Variants in ZBTB20 observed in about 807,000 individuals in gnomAD.
The protein encoded by ZBTB20 is zinc finger and BTB domain containing 20.
Under a neutral mutation model 56.9 loss-of-function variants are expected in ZBTB20, and 9 were observed. That is an observed-to-expected ratio of 0.16 (90% confidence interval 0.10 to 0.28). The LOEUF is 0.28. Ranked by LOEUF, ZBTB20 falls within the 10% of genes least tolerant of loss-of-function variation. The probability of loss-of-function intolerance (pLI) is 1.00; values close to 1 mark genes in which losing one functional copy is unlikely to be tolerated. For synonymous variants in ZBTB20, 417 were observed against 420.7 expected (o/e 0.99, Z 0.11); for missense variants, 655 against 1,003.0 (o/e 0.65, Z 4.69).
chr3:114,488,518 T>G (rs1022584919), intron 7 of ZBTB20, among the ~76,000 whole-genome samples: 1 of 152,242 alleles, frequency 6.6e-6, no homozygotes, highest in African/African-American at 2.4e-5. Flanking sequence ...GTTTTATGCC[T>G]GGAAAATGCA....
At chr3:114,691,264 A>T (rs917354721) in intron 6 of ZBTB20, among the ~76,000 whole-genome samples, 2 of 152,164 alleles carry the variant, frequency 1.3e-5, no homozygotes, top group Non-Finnish European at 2.9e-5. Flanking sequence ...CGTGTAAAAA[A>T]TATCCTGATG....
At chr3:114,572,044 A>G (rs748398415) in intron 6 of ZBTB20, among the ~76,000 whole-genome samples, 7 of 151,592 alleles carry the variant, frequency 4.6e-5, no homozygotes, top group Non-Finnish European at 8.9e-5. Context: ...TTTGACATGC[A>G]GTATCTCATC....
intron 4 of ZBTB20, among the ~76,000 whole-genome samples, chr3:114,859,324 CTTCCT>C (rs1241043057): frequency 6.8e-6 from 1 of 146,208 alleles, no homozygotes; most frequent in Non-Finnish European, 1.5e-5. Flanking sequence ...TCTTGCCTTC[CTTCCT>C]TTCTTCTTTC....
At chr3:114,813,806 CTAATA>C (rs753897910) in intron 4 of ZBTB20, among the ~76,000 whole-genome samples, 4 of 152,022 alleles carry the variant, frequency 2.6e-5, no homozygotes, top group Admixed American at 6.5e-5. Flanking sequence ...TCTAGATAAT[CTAATA>C]TAATATAATC....
At chr3:114,456,842 A>C (rs963047465) in intron 7 of ZBTB20, among the ~76,000 whole-genome samples, 1 of 152,244 alleles carries the variant, frequency 6.6e-6, no homozygotes, top group Admixed American at 6.5e-5. Context: ...ACCGAAAACT[A>C]TCTCTCAGTC....
chr3:114,481,844 G>A (rs1241651111), intron 7 of ZBTB20, among the ~76,000 whole-genome samples: 1 of 152,204 alleles, frequency 6.6e-6, no homozygotes, highest in Non-Finnish European at 1.5e-5. Context: ...TGTTCAGAGG[G>A]AGTAAACCAC....
At position 114,541,911 on chromosome 3, in the gene ZBTB20, TAA is replaced by T. The variant is rs1009073384; in HGVS notation, c.-294-41522_-294-41521del. Among the ~76,000 whole-genome samples the T allele has an allele frequency of 8.1e-4, 124 of 152,282 alleles. 1 individual carries two copies. Among genetic ancestry groups the T allele is most frequent in the African/African-American group, 2.9e-3 (121 of 41,574 alleles). ...GGATTATTAGGAAGAACGAGTGAAGTAATATATGTAACACATGCTCTTTAAAA... is the reference window on the plus strand; with the variant it reads ...GGATTATTAGGAAGAACGAGTGAAGTTATATGTAACACATGCTCTTTAAAA... On this transcript the variant is annotated intron_variant, in intron 6 of 11. Transcript: ENST00000675478.
intron 6 of ZBTB20, among the ~76,000 whole-genome samples, chr3:114,566,760 G>A (rs1357215164): frequency 6.6e-6 from 1 of 152,160 alleles, no homozygotes; most frequent in Non-Finnish European, 1.5e-5. Context: ...ACAGTTGACA[G>A]CCTTTGAGAT....
At chr3:114,377,259 G>T (rs952299284) in intron 10 of ZBTB20, among the ~76,000 whole-genome samples, 1 of 152,126 alleles carries the variant, frequency 6.6e-6, no homozygotes, top group Non-Finnish European at 1.5e-5. Flanking sequence ...GGTAAGCTAG[G>T]GGGTAATGGG....
chr3:114,469,952 G>A (rs1457592125), intron 7 of ZBTB20, among the ~76,000 whole-genome samples: 2 of 152,028 alleles, frequency 1.3e-5, no homozygotes, highest in East Asian at 1.9e-4. Flanking sequence ...CATATGGAAC[G>A]AAGGTCAAAA....
chr3:114,735,475 T>A (rs565191648), intron 5 of ZBTB20, among the ~76,000 whole-genome samples: 55 of 152,234 alleles, frequency 3.6e-4, no homozygotes, highest in South Asian at 1.0e-3. Context: ...ATTTTATATA[T>A]GGGCCACTAT....
At chr3:114,574,947 A>G (rs1368990496) in intron 6 of ZBTB20, among the ~76,000 whole-genome samples, 3 of 152,186 alleles carry the variant, frequency 2.0e-5, no homozygotes, top group African/African-American at 7.2e-5. Flanking sequence ...ATAAGTGGGT[A>G]TTTCTATATA....
chr3:114,620,300 CTTTT>C (rs922730144), intron 6 of ZBTB20, among the ~76,000 whole-genome samples: 1 of 151,062 alleles, frequency 6.6e-6, no homozygotes, highest in Non-Finnish European at 1.5e-5. Context: ...CTTTTCTTTT[CTTTT>C]TTTTTGAGAT....
chr3:114,793,451 A>C (rs2071117178), intron 5 of ZBTB20, among the ~76,000 whole-genome samples: 1 of 152,146 alleles, frequency 6.6e-6, no homozygotes, highest in South Asian at 2.1e-4. Context: ...AGACACAGTA[A>C]ATCAAGATGA....
chr3:114,468,818 G>A (rs1046652784), intron 7 of ZBTB20, among the ~76,000 whole-genome samples: 1 of 151,956 alleles, frequency 6.6e-6, no homozygotes. Context: ...AAAGTCAAAT[G>A]CCTCAAGGAG....
chr3:114,537,652 T>A (rs967030573), intron 6 of ZBTB20, among the ~76,000 whole-genome samples: 7 of 152,124 alleles, frequency 4.6e-5, no homozygotes, highest in African/African-American at 1.7e-4. Context: ...ACCCAAAGTA[T>A]TAGAAATCAT....
chr3:114,631,541 T>C (rs1433814753), intron 6 of ZBTB20, among the ~76,000 whole-genome samples: 1 of 151,570 alleles, frequency 6.6e-6, no homozygotes, highest in African/African-American at 2.4e-5. Context: ...TACAGACATG[T>C]GCCACCACAC....
chr3:115,089,795 G>A (rs144896172), intron 1 of ZBTB20, among the ~76,000 whole-genome samples: 286 of 151,850 alleles, frequency 1.9e-3, no homozygotes, highest in African/African-American at 6.6e-3. Flanking sequence ...TTGTGTGAAA[G>A]GTGCTTAGCA....
At chr3:114,414,118 G>A (rs191759026) in intron 7 of ZBTB20, among the ~76,000 whole-genome samples, 1 of 152,226 alleles carries the variant, frequency 6.6e-6, no homozygotes, top group East Asian at 1.9e-4. Context: ...AACAGATCAC[G>A]AGGAGGTAAA....
Sources: gnomAD v4.1 joint callset for allele counts (sites outside exome capture counted in the v4.1 genomes callset) on GRCh38, gnomAD v4.1.1 for gene constraint, MANE v1.5 for transcripts, NCBI Gene and HGNC (gene_info 2026-07-23, HGNC 2026-07-21) for gene names.